The following RPAP2 variants were observed in gnomAD, a reference collection of about 807,000 sequenced individuals.
The protein encoded by RPAP2 is RNA polymerase II associated protein 2.
RPAP2 carries 52 observed loss-of-function variants against 73.1 expected under a neutral mutation model. The ratio of observed to expected loss-of-function variants is 0.71; its 90% confidence interval spans 0.57 to 0.90. The LOEUF (loss-of-function observed/expected upper bound fraction) is 0.90, where lower values mean the gene tolerates loss of function less well. Among genes scored for constraint, RPAP2 ranks in the 40% least tolerant of loss-of-function variants. RPAP2 has a pLI of 0.00. For missense variants in RPAP2, 598 were observed against 701.8 expected, an observed-to-expected ratio of 0.85 and a Z score of 1.67; for synonymous variants, 225 against 242.1, an observed-to-expected ratio of 0.93 and a Z score of 0.65.
At chr1:92,385,200 A>G (rs1445419323) in intron 12 of RPAP2, among the ~76,000 whole-genome samples, 1 of 149,816 alleles carries the variant, frequency 6.7e-6, no homozygotes, top group Non-Finnish European at 1.5e-5. Context: ...AGAGGTTTCT[A>G]TTTCAGACTG....
intron 11 of RPAP2, among the ~76,000 whole-genome samples, chr1:92,354,194 C>G (rs1287666436): frequency 1.3e-5 from 2 of 152,114 alleles, no homozygotes; most frequent in African/African-American, 4.8e-5. Flanking sequence ...TGATTGAGCT[C>G]CCTGAGAGCT....
rs1213321221 is a variant in RPAP2, at chr1:92,398,324, A to C, written c.*11313A>C. The C allele has an allele frequency of 6.6e-6, 1 of 152,176 alleles. No individual in the cohort carries two copies. The highest frequency in any genetic ancestry group is 1.5e-5 in the Non-Finnish European group (1 of 68,036). The allele number at this position is 152,176 out of a possible 1,614,324, so 9.4% of individuals were successfully genotyped here. On this transcript the variant is annotated 3_prime_UTR_variant, in exon 13 of 13. Coordinates refer to ENST00000610020, the MANE Select transcript of RPAP2 (RefSeq NM_024813.3). Reference sequence around the variant, plus strand: ...ATATACATCTACTATGTACCCACAAAAATTAAAAAATGTTTACAGGAGTGA... The same window carrying C: ...ATATACATCTACTATGTACCCACAACAATTAAAAAATGTTTACAGGAGTGA...
rs1322419882 is a variant in RPAP2 at position 92,394,935 on chromosome 1, A to G, written c.*7924A>G. ...AACTTACTACAAAGCTACATTAATC[A>G]AGACAGTGTGGTACTGATATAAAGA... On this transcript the variant is annotated 3_prime_UTR_variant, in exon 13 of 13. Transcript: ENST00000610020. 2 of 152,244 alleles carry G rather than the reference A, an allele frequency of 1.3e-5. No homozygotes were observed. Among genetic ancestry groups the G allele is most frequent in the Non-Finnish European group, 2.9e-5 (2 of 68,044 alleles). 9.4% of individuals were successfully genotyped at this position (152,244 alleles called of 1,614,324 possible). A position where few individuals can be genotyped will look rare whatever the true frequency, so the allele number is the denominator to read the frequency against.
chr1:92,317,905 C>T (rs1428615041), intron 6 of RPAP2, among the ~76,000 whole-genome samples: 1 of 152,162 alleles, frequency 6.6e-6, no homozygotes, highest in African/African-American at 2.4e-5. Context: ...GATTGAGCTA[C>T]ACTTGGACCT....
chr1:92,355,432 A>G (rs1460994860), intron 11 of RPAP2, among the ~76,000 whole-genome samples: 1 of 152,216 alleles, frequency 6.6e-6, no homozygotes, highest in African/African-American at 2.4e-5. Context: ...CATGCGATAT[A>G]TCAAAGGCTT....
rs1656213870 is a variant in RPAP2 at position 92,397,498 on chromosome 1, C to T, written c.*10487C>T. 6.6e-6 allele frequency: 1 copy of T among 152,118 alleles called. No individual in the cohort carries two copies. Among genetic ancestry groups the T allele is most frequent in the Non-Finnish European group, 1.5e-5 (1 of 68,034 alleles). The allele number at this position is 152,118 out of a possible 1,614,324, so 9.4% of individuals were successfully genotyped here. ...CTCACATGCCCTACAAGTCTAGAGA[C>T]CTCAGGTGAGGAGCCAGTAGCTCAG... On this transcript the variant is annotated 3_prime_UTR_variant, in exon 13 of 13. Coordinates refer to ENST00000610020, the MANE Select transcript of RPAP2 (RefSeq NM_024813.3).
chr1:92,320,551 T>C, intron 6 of RPAP2, 48 bp from the exon 7 acceptor site: 1 of 1,565,932 alleles, frequency 6.4e-7, no homozygotes, highest in Non-Finnish European at 8.8e-7. Flanking sequence ...GTTACAGGCA[T>C]GAGCCACCGC....
intron 8 of RPAP2, among the ~76,000 whole-genome samples, chr1:92,325,405 C>T (rs1235078781): frequency 1.3e-5 from 2 of 152,064 alleles, no homozygotes; most frequent in African/African-American, 4.8e-5. Flanking sequence ...TCTTATTAGA[C>T]ATCATCCAAA....
In RPAP2 at chr1:92,301,558, G is replaced by A. The variant is rs1650859469; in HGVS notation, c.202G>A (p.Glu68Lys). The A allele has an allele frequency of 9.6e-6, 15 of 1,561,130 alleles. No homozygotes were observed. The highest frequency in any genetic ancestry group is 1.3e-5 in the Non-Finnish European group (15 of 1,149,372). ...ACATATTGTTGAACAGCTTTTAGAGGAGAATATTACAGAAGAGTTCCTAAT... is the reference window on the plus strand; with the variant it reads ...ACATATTGTTGAACAGCTTTTAGAGAAGAATATTACAGAAGAGTTCCTAAT... ...ALHIVEQLLE[E>K]NITEEFLMEC... is the part of the protein sequence containing the mutation. Residue 68 changes from glutamate to lysine, a missense_variant, in exon 3 of 13, where the codon GAG becomes AAG. Glu to Lys is a moderately conservative substitution (Grantham distance 56). Around this residue, in one of 3 missense-constraint regions of RPAP2, gnomAD observed 506 missense variants for 612.8 expected, o/e 0.83. Coordinates refer to ENST00000610020, the MANE Select transcript of RPAP2 (RefSeq NM_024813.3).
intron 11 of RPAP2, among the ~76,000 whole-genome samples, chr1:92,367,766 A>C (rs1012611494): frequency 6.6e-6 from 1 of 152,224 alleles, no homozygotes; most frequent in Non-Finnish European, 1.5e-5. Flanking sequence ...TTTTATTCAC[A>C]TAGACATTCT....
At chr1:92,367,073 T>G (rs1399602385) in intron 11 of RPAP2, among the ~76,000 whole-genome samples, 1 of 152,206 alleles carries the variant, frequency 6.6e-6, no homozygotes, top group African/African-American at 2.4e-5. Context: ...ACAAGATACC[T>G]TTGTGATAAA....
chr1:92,345,067 T>C (rs1247839060), intron 10 of RPAP2, among the ~76,000 whole-genome samples: 1 of 152,176 alleles, frequency 6.6e-6, no homozygotes, highest in Non-Finnish European at 1.5e-5. Flanking sequence ...AACTTTTCTT[T>C]AATAAAGACC....
At chr1:92,342,387 G>C (rs1320893107) in intron 10 of RPAP2, among the ~76,000 whole-genome samples, 2 of 152,230 alleles carry the variant, frequency 1.3e-5, no homozygotes, top group African/African-American at 4.8e-5. Flanking sequence ...GCAGAGGCAA[G>C]AGTAGAGAGA....
intron 8 of RPAP2, among the ~76,000 whole-genome samples, chr1:92,327,577 A>G (rs1652709278): frequency 6.6e-6 from 1 of 152,206 alleles, no homozygotes; most frequent in South Asian, 2.1e-4. Context: ...CTTGAAAAGC[A>G]GATACTTGGT....
At chr1:92,310,387 C>G (rs1188892877) in intron 6 of RPAP2, among the ~76,000 whole-genome samples, 5 of 152,190 alleles carry the variant, frequency 3.3e-5, no homozygotes, top group Non-Finnish European at 7.4e-5. Context: ...CATTTAAGCT[C>G]TACAGAAATG....
At position 92,394,865 on chromosome 1, in the gene RPAP2, A is replaced by C. The variant is rs1394540284; in HGVS notation, c.*7854A>C. On this transcript the variant is annotated 3_prime_UTR_variant, in exon 13 of 13. Coordinates refer to ENST00000610020, the MANE Select transcript of RPAP2 (RefSeq NM_024813.3). ...CTGTATGAAAACATAAAGGATTCAG[A>C]ATAGCCAAAATAATTCTGAAAATGA... The C allele has an allele frequency of 6.6e-6, 1 of 152,238 alleles. No homozygotes were observed. The highest frequency in any genetic ancestry group is 2.4e-5 in the African/African-American group (1 of 41,456). The allele number at this position is 152,238 out of a possible 1,614,324, so 9.4% of individuals were successfully genotyped here.
rs1465908270 is a variant in RPAP2, at chr1:92,391,537, C to G, written c.*4526C>G. ...AGGCAAGAAATAACTAAGATCAGAG[C>G]AGAACTGAAGGAGATAGAGACTCAA... On this transcript the variant is annotated 3_prime_UTR_variant, in exon 13 of 13. Coordinates refer to ENST00000610020, the MANE Select transcript of RPAP2 (RefSeq NM_024813.3). The G allele has an allele frequency of 6.6e-6, 1 of 152,016 alleles. No individual in the cohort carries two copies. The highest frequency in any genetic ancestry group is 1.5e-5 in the Non-Finnish European group (1 of 68,010). The allele number at this position is 152,016 out of a possible 1,614,324, so 9.4% of individuals were successfully genotyped here.
intron 11 of RPAP2, among the ~76,000 whole-genome samples, chr1:92,372,719 C>T (rs1655204186): frequency 6.6e-6 from 1 of 152,092 alleles, no homozygotes; most frequent in South Asian, 2.1e-4. Flanking sequence ...TTCAAGACCA[C>T]CCTGGGCAAT....
At chr1:92,320,848 G>C (rs1039009854) in intron 7 of RPAP2, among the ~76,000 whole-genome samples, 4 of 152,286 alleles carry the variant, frequency 2.6e-5, no homozygotes, top group African/African-American at 9.6e-5. Context: ...TTGTACAGCT[G>C]TTCCTCCCGA....
Sources: allele counts gnomAD v4.1 joint callset (sites outside exome capture counted in the v4.1 genomes callset), GRCh38; gene constraint gnomAD v4.1.1; regional missense constraint gnomAD v4.1.1; transcripts MANE v1.5; gene names NCBI Gene and HGNC (gene_info 2026-07-23, HGNC 2026-07-21).